RFX4: variants seen among roughly 807,000 people sequenced by gnomAD.
RFX4 encodes regulatory factor X4, also known as transcription factor RFX4.
RFX4 carries 10 observed loss-of-function variants against 95.0 expected under a neutral mutation model. That is an observed-to-expected ratio of 0.11 (90% confidence interval 0.06 to 0.18). RFX4 has a LOEUF of 0.18. Ranked by LOEUF, RFX4 falls within the 10% of genes least tolerant of loss-of-function variation. The pLI is 1.00. For missense variants in RFX4, 640 were observed against 922.0 expected, an observed-to-expected ratio of 0.69 and a Z score of 3.96; for synonymous variants, 321 against 340.7, an observed-to-expected ratio of 0.94 and a Z score of 0.64.
intron 6 of RFX4, among the ~76,000 whole-genome samples, chr12:106,689,053 C>T (rs569606352): frequency 1.3e-4 from 20 of 152,198 alleles, no homozygotes; most frequent in Non-Finnish European, 2.6e-4. Flanking sequence ...CAGCGCATTC[C>T]GTATCTCAGG....
rs537406359 is a variant in RFX4 at position 106,747,914 on chromosome 12, C to T, written c.1796+315C>T. On this transcript the variant is annotated intron_variant, in intron 16 of 17. Transcript: ENST00000392842. The stretch of plus-strand genomic sequence containing the variant: ...CTGAACTCCAGCCTGGGTGACAGAG[C>T]GAGACGCCGTCTTAAAAAAAAAAAA... 9.7e-4 allele frequency among the ~76,000 whole-genome samples: 136 copies of T among 140,654 alleles called. 2 individuals are homozygous for T. The highest frequency in any genetic ancestry group is 3.3e-3 in the African/African-American group (123 of 37,668). The allele number at this position is 140,654 out of a possible 152,430, so 92.3% of individuals were successfully genotyped here.
At chr12:106,733,993 G>A (rs1408047117) in intron 15 of RFX4, among the ~76,000 whole-genome samples, 5 of 152,148 alleles carry the variant, frequency 3.3e-5, no homozygotes, top group African/African-American at 1.2e-4. Flanking sequence ...ATTGAACCTT[G>A]GAAAGCAATG....
Position 106,610,732 on chromosome 12 carries a change from G to T in RFX4, c.130+1849G>T, listed in dbSNP as rs368297284. On this transcript the variant is annotated intron_variant, in intron 2 of 17. Coordinates refer to ENST00000392842, the MANE Select transcript of RFX4 (RefSeq NM_213594.3). The stretch of plus-strand genomic sequence containing the variant: ...TAAGACATTGATGGGCAATTGAGTT[G>T]TTTCTGTCTTTTGGTCACTGTAAAT... Among the ~76,000 whole-genome samples the T allele has an allele frequency of 2.6e-5, 4 of 152,156 alleles. No homozygotes were observed. In the East Asian group the frequency reaches 7.7e-4, roughly 29 times the overall value.
chr12:106,654,164 A>T lies in RFX4; in HGVS notation c.192-64A>T, dbSNP rs2040910962. 4 of 1,608,148 alleles carry T rather than the reference A, an allele frequency of 2.5e-6. No homozygotes were observed. In the Admixed American group the frequency reaches 6.7e-5, roughly 27 times the overall value. Reference sequence around the variant, plus strand: ...TGCCCATCTCTGGAGGACTAGAAAGAACAGACCGTTCTTGCTTGGGGAAGG... The same window carrying T: ...TGCCCATCTCTGGAGGACTAGAAAGTACAGACCGTTCTTGCTTGGGGAAGG... On this transcript the variant is annotated intron_variant, in intron 3 of 17. Transcript: ENST00000392842.
chr12:106,645,043 T>TC (rs1290755048), intron 3 of RFX4, among the ~76,000 whole-genome samples: 1 of 136,224 alleles, frequency 7.3e-6, no homozygotes, highest in Non-Finnish European at 1.6e-5. Flanking sequence ...CCCCTCCCCC[T>TC]CCCCCTAGAA....
chr12:106,757,669 G>A (rs2043134821), intron 17 of RFX4, among the ~76,000 whole-genome samples: 1 of 152,154 alleles, frequency 6.6e-6, no homozygotes, highest in Non-Finnish European at 1.5e-5. Flanking sequence ...GTACTTTGGT[G>A]CAGTGAGAGC....
In RFX4 at chr12:106,608,780, CTTTTTTTTTTTT is replaced by C; in HGVS notation, c.44-14_44-3del. On this transcript the variant is annotated splice_polypyrimidine_tract_variant and splice_region_variant and intron_variant, in intron 1 of 17. Transcript: ENST00000392842. Reference sequence around the variant, plus strand: ...TTCTTTTTCTTTTCTTTCTTTCTTTCTTTTTTTTTTTTTTAGAGAGCTGGATTGAAAGATGTC... The same window carrying C: ...TTCTTTTTCTTTTCTTTCTTTCTTTCTTAGAGAGCTGGATTGAAAGATGTC... 1 of 1,421,334 alleles carries C rather than the reference CTTTTTTTTTTTT, an allele frequency of 7.0e-7. No homozygotes were observed. Among genetic ancestry groups the C allele is most frequent in the East Asian group, 2.4e-5 (1 of 40,908 alleles). 88.0% of individuals were successfully genotyped at this position (1,421,334 alleles called of 1,614,324 possible). A position where few individuals can be genotyped will look rare whatever the true frequency, so the allele number is the denominator to read the frequency against.
At chr12:106,729,433 T>C (rs989723662) in intron 13 of RFX4, among the ~76,000 whole-genome samples, 1 of 152,240 alleles carries the variant, frequency 6.6e-6, no homozygotes, top group Non-Finnish European at 1.5e-5. Context: ...TATACACTTT[T>C]ACTCATTTTA....
intron 13 of RFX4, among the ~76,000 whole-genome samples, chr12:106,724,968 G>C (rs1031712609): frequency 6.7e-6 from 1 of 149,598 alleles, no homozygotes; most frequent in Non-Finnish European, 1.5e-5. Context: ...AGTCGAGATG[G>C]CACCACTGAA....
At chr12:106,628,714 G>A (rs571329336) in intron 2 of RFX4, among the ~76,000 whole-genome samples, 4 of 150,686 alleles carry the variant, frequency 2.7e-5, no homozygotes, top group South Asian at 2.1e-4. Flanking sequence ...TTACTTACAC[G>A]TTCTTCGAGT....
At position 106,586,722 on chromosome 12, in the gene RFX4, C is replaced by A. The variant is rs765841800; in HGVS notation, c.43+3359C>A. Among the ~76,000 whole-genome samples, 5 of 152,314 alleles carry A rather than the reference C, an allele frequency of 3.3e-5. No homozygotes were observed. Among genetic ancestry groups the A allele is most frequent in the Admixed American group, 1.3e-4 (2 of 15,310 alleles). ...ACAGGCCCCCAGCTCAGCACAAATT[C>A]TTTCTAAAATTCTACCACCAAATTA... On this transcript the variant is annotated intron_variant, in intron 1 of 17. Transcript: ENST00000392842. This position sits in a 1 kb window ranked among gnomAD's most constrained non-coding sequence, Gnocchi z 5.6.
At chr12:106,705,742 G>T (rs1447888135) in intron 8 of RFX4, among the ~76,000 whole-genome samples, 3 of 152,136 alleles carry the variant, frequency 2.0e-5, no homozygotes, top group African/African-American at 7.2e-5. Flanking sequence ...TGCAGCCAGA[G>T]ATAAGGAGGG....
chr12:106,735,677 T>C (rs2042696993), intron 15 of RFX4, among the ~76,000 whole-genome samples: 1 of 148,928 alleles, frequency 6.7e-6, no homozygotes, highest in African/African-American at 2.5e-5. Context: ...TTTATTCATG[T>C]ATATATGTAC....
intron 1 of RFX4, among the ~76,000 whole-genome samples, chr12:106,602,828 A>C (rs2039739874): frequency 6.6e-6 from 1 of 152,182 alleles, no homozygotes; most frequent in Non-Finnish European, 1.5e-5. Context: ...CATCACAAGC[A>C]TCGCTACAGC....
At chr12:106,664,743 C>A (rs1314013051) in intron 4 of RFX4, among the ~76,000 whole-genome samples, 4 of 151,760 alleles carry the variant, frequency 2.6e-5, no homozygotes, top group Non-Finnish European at 3.0e-5. Context: ...GTTGCATTTT[C>A]ATTTTCATTT....
intron 5 of RFX4, chr12:106,682,296 C>A: frequency 1.9e-6 from 1 of 540,062 alleles, no homozygotes; most frequent in Non-Finnish European, 3.3e-6. Flanking sequence ...TTTGTACCAC[C>A]CTGCTTTTAG....
intron 11 of RFX4, among the ~76,000 whole-genome samples, chr12:106,716,873 G>A (rs185427979): frequency 1.3e-5 from 2 of 151,942 alleles, no homozygotes; most frequent in Non-Finnish European, 2.9e-5. Context: ...TAGAGAGTTG[G>A]TGAACCTAAC....
At chr12:106,659,477 T>C (rs1016222428) in intron 4 of RFX4, among the ~76,000 whole-genome samples, 1 of 152,178 alleles carries the variant, frequency 6.6e-6, no homozygotes, top group Non-Finnish European at 1.5e-5. Context: ...GCTCATGACG[T>C]TGTCCAAGCT....
chr12:106,620,420 A>C (rs1390893295), intron 2 of RFX4, among the ~76,000 whole-genome samples: 1 of 152,200 alleles, frequency 6.6e-6, no homozygotes. Context: ...CAAACCAGCA[A>C]GTTTTTTATT....
Sources: allele counts gnomAD v4.1 joint callset (sites outside exome capture counted in the v4.1 genomes callset), GRCh38; gene constraint gnomAD v4.1.1; non-coding constraint Gnocchi (gnomAD v3.1); transcripts MANE v1.5; gene names NCBI Gene and HGNC (gene_info 2026-07-23, HGNC 2026-07-21).